The following STRA6 variants were observed in gnomAD, a reference collection of about 807,000 sequenced individuals.
The protein encoded by STRA6 is receptor for retinol uptake STRA6.
Under a neutral mutation model 83.6 loss-of-function variants are expected in STRA6, and 48 were observed. The observed-to-expected ratio is 0.57, with a 90% CI of 0.46 to 0.73. STRA6 has a LOEUF of 0.73. STRA6 is among the 30% of genes least tolerant of loss of function. The probability of loss-of-function intolerance (pLI) is 0.00; values close to 1 mark genes in which losing one functional copy is unlikely to be tolerated. For missense variants in STRA6, 760 were observed against 838.8 expected, an observed-to-expected ratio of 0.91 and a Z score of 1.16; for synonymous variants, 353 against 362.3, an observed-to-expected ratio of 0.97 and a Z score of 0.29.
At chr15:74,209,136 AC>A (rs778087894), upstream of STRA6, 33 of 1,308,534 alleles carry the variant, frequency 2.5e-5, no homozygotes, top group Non-Finnish European at 2.9e-5. Context: ...AACCCACCCC[AC>A]CCCCATCTCC....
chr15:74,193,359 C>G (rs1194896691), intron 8 of STRA6, among the ~76,000 whole-genome samples: 1 of 152,258 alleles, frequency 6.6e-6, no homozygotes, highest in Non-Finnish European at 1.5e-5. Context: ...CCTCTCAGCC[C>G]TCCCCTTTAT....
Position 74,183,955 on chromosome 15 carries a change from G to A in STRA6, c.1201C>T (p.Leu401=). The A allele has an allele frequency of 6.2e-7, 1 of 1,613,804 alleles. No homozygotes were observed. Among genetic ancestry groups the A allele is most frequent in the Non-Finnish European group, 8.5e-7 (1 of 1,180,034 alleles). ...CTCCGATGCAAGGGACTCAAGTCCA[G>A]GGCAGCTCCTCGGTGCAGAGCTCGA... is the stretch of plus-strand genomic sequence containing the variant. ...NLRALHRGAA[L]DLSPLHRSPH... The change falls in exon 14 of 19, where the codon CTG becomes TTG. Residue 401 remains leucine, a synonymous_variant. Transcript: ENST00000395105.
At chr15:74,194,969 C>G in intron 7 of STRA6, 1 of 1,432,108 alleles carries the variant, frequency 7.0e-7, no homozygotes, top group Non-Finnish European at 9.1e-7. Flanking sequence ...CCCTCTCCAG[C>G]CTGACCAAAG....
At chr15:74,190,667 A>C (rs1158797424) in intron 11 of STRA6, among the ~76,000 whole-genome samples, 173 bp downstream of exon 11, 1 of 152,104 alleles carries the variant, frequency 6.6e-6, no homozygotes, top group Non-Finnish European at 1.5e-5. Flanking sequence ...TGAGTCCAAG[A>C]GTGAACACCC....
At chr15:74,209,330 T>C, upstream of STRA6, 1 of 1,514,398 alleles carries the variant, frequency 6.6e-7, no homozygotes, top group South Asian at 1.2e-5. Context: ...AGATGTGGCC[T>C]TAGAGAAGCT....
intron 1 of STRA6, 176 bp from the exon 2 acceptor site, chr15:74,202,458 TG>T (rs1268289982): frequency 6.5e-7 from 1 of 1,536,040 alleles, no homozygotes; most frequent in Non-Finnish European, 8.7e-7. Flanking sequence ...ACTGAGGGCC[TG>T]AGCAAGCTGG....
intron 7 of STRA6, chr15:74,194,527 T>A: frequency 2.4e-6 from 1 of 419,588 alleles, no homozygotes; most frequent in Non-Finnish European, 3.6e-6. Context: ...ATCAGCTCCA[T>A]GGACGGATGG....
At chr15:74,199,204 C>G (rs998200632) in intron 2 of STRA6, among the ~76,000 whole-genome samples, 3 of 152,232 alleles carry the variant, frequency 2.0e-5, no homozygotes, top group African/African-American at 7.2e-5. Context: ...GCTGCATTAT[C>G]CAGGGGAGTG....
Position 74,197,732 on chromosome 15 carries a change from T to G in STRA6, c.180+20A>C. 6.2e-7 allele frequency: 1 copy of G among 1,612,606 alleles called. No individual in the cohort carries two copies. The highest frequency in any genetic ancestry group is 2.2e-5 in the East Asian group (1 of 44,860). On this transcript the variant is annotated intron_variant, in intron 3 of 18. Transcript: ENST00000395105. ...GCTGGCAGCAGCTTGCAAGCCAGGT[T>G]CAACTTGGGTTGGACTCACTGACAG... is the stretch of plus-strand genomic sequence containing the variant.
intron 18 of STRA6, 141 bp from the exon 19 acceptor site, chr15:74,180,384 G>T: frequency 9.6e-7 from 1 of 1,041,104 alleles, no homozygotes. Flanking sequence ...GGCAGCACAT[G>T]GAAGTGGGGG....
At position 74,179,556 on chromosome 15, in the gene STRA6, G is replaced by A; in HGVS notation, c.*524C>T. The A allele has an allele frequency of 6.5e-6, 1 of 154,556 alleles. No individual in the cohort carries two copies. The highest frequency in any genetic ancestry group is 6.4e-5 in the Admixed American group (1 of 15,582). The allele number at this position is 154,556 out of a possible 1,614,324, so 9.6% of individuals were successfully genotyped here. ...AACTACAAAAATATCTGGCTCTCGA[G>A]TGTGGGCAGCTCAGTGTGGGACCTG... On this transcript the variant is annotated 3_prime_UTR_variant, in exon 19 of 19. Coordinates refer to ENST00000395105, the MANE Select transcript of STRA6 (RefSeq NM_022369.4).
Position 74,197,360 on chromosome 15 carries a change from G to T in STRA6, c.244C>A (p.Arg82Ser), listed in dbSNP as rs772134481. The change falls in exon 4 of 19, where the codon CGT becomes AGT. Residue 82 changes from arginine to serine, a missense_variant. By Grantham distance (110) the Arg-to-Ser change is moderately radical (BLOSUM62 -1). Transcript: ENST00000395105. ...AACCTGGGCAGGCCGGGCCTGCCACGCACACAGTCAGGCCAGAGCTGGCGG... is the reference window on the plus strand; with the variant it reads ...AACCTGGGCAGGCCGGGCCTGCCACTCACACAGTCAGGCCAGAGCTGGCGG... ...RRRQLWPDCV[R>S]GRPGLPSPVD... 1 of 1,550,250 alleles carries T rather than the reference G, an allele frequency of 6.5e-7. No individual in the cohort carries two copies.
Position 74,182,196 on chromosome 15 carries a change from C to T in STRA6, c.1485G>A (p.Leu495=). ...LQNMAAHWVF[L]ETHDGHPQLT... ...GCTGTGGGTGTCCATCATGAGTCTCCAGGAAGACCCAATGGGCTGCCATGT... is the reference window on the plus strand; with the variant it reads ...GCTGTGGGTGTCCATCATGAGTCTCTAGGAAGACCCAATGGGCTGCCATGT... The change falls in exon 16 of 19, where the codon CTG becomes CTA. Residue 495 remains leucine, a synonymous_variant. Coordinates refer to ENST00000395105, the MANE Select transcript of STRA6 (RefSeq NM_022369.4). 6.2e-7 allele frequency: 1 copy of T among 1,614,154 alleles called. No homozygotes were observed. The highest frequency in any genetic ancestry group is 8.5e-7 in the Non-Finnish European group (1 of 1,180,008).
chr15:74,182,386 GGAGCACAGGCAT>G lies in STRA6; in HGVS notation c.1363_1374del (p.Met455_Leu458del). Reference sequence around the variant, plus strand: ...CGGAAGAGCAGGAGGTTCCTGCCATGGAGCACAGGCATGAGCACCAGGAAGGCCAGGGCCGTG... The same window carrying G: ...CGGAAGAGCAGGAGGTTCCTGCCATGGAGCACCAGGAAGGCCAGGGCCGTG... On this transcript the variant is annotated inframe_deletion, in exon 15 of 19. Coordinates refer to ENST00000395105, the MANE Select transcript of STRA6 (RefSeq NM_022369.4). The G allele has an allele frequency of 6.2e-7, 1 of 1,613,950 alleles. No homozygotes were observed. Among genetic ancestry groups the G allele is most frequent in the Non-Finnish European group, 8.5e-7 (1 of 1,179,928 alleles).
intron 12 of STRA6, among the ~76,000 whole-genome samples, chr15:74,187,198 C>T (rs12907503): frequency 0.14 from 21,359 of 152,198 alleles, 2,105 homozygotes; most frequent in Non-Finnish European, 0.21. Flanking sequence ...TGGCCACAGG[C>T]CTGGCCTTTG....
intron 2 of STRA6, among the ~76,000 whole-genome samples, chr15:74,201,148 C>G (rs970589459): frequency 1.3e-5 from 2 of 152,216 alleles, no homozygotes; most frequent in African/African-American, 4.8e-5. Flanking sequence ...CAAACAACAG[C>G]TCCTTCCCCG....
intron 4 of STRA6, among the ~76,000 whole-genome samples, chr15:74,197,036 C>T (rs1428093917): frequency 6.6e-6 from 1 of 152,200 alleles, no homozygotes; most frequent in Admixed American, 6.5e-5. Flanking sequence ...CGTCAATCCA[C>T]ACATGGAGGG....
At chr15:74,200,011 G>GT (rs59694624) in intron 2 of STRA6, among the ~76,000 whole-genome samples, 1 of 152,202 alleles carries the variant, frequency 6.6e-6, no homozygotes, top group Non-Finnish European at 1.5e-5. Flanking sequence ...AAGGTCAAGA[G>GT]TTTGAGACCA....
Position 74,202,302 on chromosome 15 carries a change from A to G in STRA6, c.-15-20T>C, listed in dbSNP as rs528392693. Reference sequence around the variant, plus strand: ...CTTCTCCTTTGACCCCAGGCGAGAGAAAAAAAAAGCCACTACAGATGTGAA... The same window carrying G: ...CTTCTCCTTTGACCCCAGGCGAGAGGAAAAAAAAGCCACTACAGATGTGAA... On this transcript the variant is annotated intron_variant, in intron 1 of 18. Transcript: ENST00000395105. 6 of 1,546,274 alleles carry G rather than the reference A, an allele frequency of 3.9e-6. No homozygotes were observed. The highest frequency in any genetic ancestry group is 1.4e-5 in the African/African-American group (1 of 71,846).
Sources: allele counts gnomAD v4.1 joint callset (sites outside exome capture counted in the v4.1 genomes callset), GRCh38; gene constraint gnomAD v4.1.1; transcripts MANE v1.5; gene names NCBI Gene and HGNC (gene_info 2026-07-23, HGNC 2026-07-21).